BCAS3: variants seen among roughly 807,000 people sequenced by gnomAD.
BCAS3 encodes the protein BCAS3 microtubule associated cell migration factor, also known as BCAS4/BCAS3 fusion.
A neutral mutation model predicts 116.1 loss-of-function variants in BCAS3; 53 were observed. That is an observed-to-expected ratio of 0.46 (90% CI 0.37 to 0.57). BCAS3 has a LOEUF of 0.57. Ranked by LOEUF, BCAS3 falls within the 20% of genes least tolerant of loss-of-function variation. BCAS3 has a pLI of 0.00. For missense variants in BCAS3, 917 were observed against 1,165.4 expected, an observed-to-expected ratio of 0.79 and a Z score of 3.10; for synonymous variants, 391 against 408.2, an observed-to-expected ratio of 0.96 and a Z score of 0.51.
chr17:61,099,521 A>T (rs112559795), intron 22 of BCAS3, among the ~76,000 whole-genome samples: 6,724 of 152,286 alleles, frequency 0.044, 520 homozygotes, highest in African/African-American at 0.15. Flanking sequence ...ATTCCTTTGT[A>T]TGGGCCTATG....
intron 13 of BCAS3, among the ~76,000 whole-genome samples, chr17:60,930,647 G>A (rs768578324): frequency 6.6e-6 from 1 of 152,012 alleles, no homozygotes; most frequent in African/African-American, 2.4e-5. Context: ...TAGTAGAGAC[G>A]GGGTTTTGCC....
chr17:61,149,041 T>C (rs756453900), intron 22 of BCAS3, among the ~76,000 whole-genome samples: 13 of 152,368 alleles, frequency 8.5e-5, no homozygotes, highest in Non-Finnish European at 1.5e-4. Flanking sequence ...ATGGTACTTC[T>C]AGAAAAGGCA....
chr17:60,972,267 C>A (rs2062009733), intron 14 of BCAS3, among the ~76,000 whole-genome samples: 1 of 152,054 alleles, frequency 6.6e-6, no homozygotes, highest in Non-Finnish European at 1.5e-5. Context: ...CATTTTATAT[C>A]CCATTCCAGT....
intron 22 of BCAS3, among the ~76,000 whole-genome samples, chr17:61,158,676 C>T (rs1333494412): frequency 1.3e-5 from 2 of 152,048 alleles, no homozygotes; most frequent in South Asian, 4.1e-4. Context: ...ATGATATTTG[C>T]TTAAAGGGAA....
chr17:60,788,724 T>C (rs1022266024), intron 6 of BCAS3, among the ~76,000 whole-genome samples: 1 of 152,104 alleles, frequency 6.6e-6, no homozygotes, highest in Admixed American at 6.6e-5. Flanking sequence ...TCATCTCTCT[T>C]CTCTGTCTCA....
intron 6 of BCAS3, among the ~76,000 whole-genome samples, chr17:60,749,655 C>A (rs1466558535): frequency 6.6e-6 from 1 of 152,082 alleles, no homozygotes; most frequent in Non-Finnish European, 1.5e-5. Context: ...ACTATTACTT[C>A]TATTGAACAA....
rs973366507 is a variant in BCAS3 at position 61,366,973 on chromosome 17, A to T, written c.2426-1354A>T. Among the ~76,000 whole-genome samples the T allele has an allele frequency of 5.3e-5, 8 of 152,160 alleles. No individual in the cohort carries two copies. Among genetic ancestry groups the T allele is most frequent in the African/African-American group, 9.7e-5 (4 of 41,430 alleles). ...GTCACCGGCTGTCGGAGTGTTTACT[A>T]ACGGTTATCACCTCAATGCTGTGGC... On this transcript the variant is annotated intron_variant, in intron 22 of 23. Transcript: ENST00000407086. The surrounding 1 kb of genome is among the most constrained non-coding windows in gnomAD (Gnocchi z 4.5).
chr17:61,375,421 A>AC (rs1555862066), intron 23 of BCAS3, among the ~76,000 whole-genome samples: 3 of 151,496 alleles, frequency 2.0e-5, no homozygotes, highest in African/African-American at 7.3e-5. Context: ...GGGCCTTGGA[A>AC]CTCCTGCCTG....
At chr17:60,838,497 C>T (rs1013089909) in intron 7 of BCAS3, among the ~76,000 whole-genome samples, 2 of 151,290 alleles carry the variant, frequency 1.3e-5, no homozygotes, top group Admixed American at 6.6e-5. Flanking sequence ...ACTATAAGAC[C>T]CCCGAGAAAG....
At chr17:61,184,044 G>C (rs1412532405) in intron 22 of BCAS3, among the ~76,000 whole-genome samples, 1 of 152,160 alleles carries the variant, frequency 6.6e-6, no homozygotes, top group African/African-American at 2.4e-5. Flanking sequence ...GTTGAGACTG[G>C]CTTGTTTTCA....
At position 61,344,846 on chromosome 17, in the gene BCAS3, G is replaced by C. The variant is rs2057401355; in HGVS notation, c.2426-23481G>C. Among the ~76,000 whole-genome samples, 1 of 152,010 alleles carries C rather than the reference G, an allele frequency of 6.6e-6. No individual in the cohort carries two copies. Among genetic ancestry groups the C allele is most frequent in the Non-Finnish European group, 1.5e-5 (1 of 67,998 alleles). On this transcript the variant is annotated intron_variant, in intron 22 of 23. Coordinates refer to ENST00000407086, the MANE Select transcript of BCAS3 (RefSeq NM_017679.5). The surrounding 1 kb of genome is among the most constrained non-coding windows in gnomAD (Gnocchi z 4.1). ...TTAAGTAAGGGACAACCATGGCGAG[G>C]AGTTGCAATGTCACTCCAGCCCCTT...
chr17:60,856,774 TA>T (rs2053712790), intron 7 of BCAS3, among the ~76,000 whole-genome samples: 1 of 152,220 alleles, frequency 6.6e-6, no homozygotes, highest in Admixed American at 6.5e-5. Flanking sequence ...ATATTTATAA[TA>T]TTTTTCCTTT....
intron 7 of BCAS3, among the ~76,000 whole-genome samples, chr17:60,815,183 C>T (rs1272612043): frequency 6.6e-6 from 1 of 152,056 alleles, no homozygotes; most frequent in African/African-American, 2.4e-5. Context: ...TCTCAGCAAA[C>T]TGTTGCAAGG....
intron 22 of BCAS3, among the ~76,000 whole-genome samples, chr17:61,238,341 A>G (rs376617308): frequency 1.1e-4 from 16 of 142,008 alleles, no homozygotes; most frequent in East Asian, 4.1e-4. Context: ...TCCTGCCTCA[A>G]CCTCCTGAGT....
rs114757653 is a variant in BCAS3 at position 61,338,485 on chromosome 17, G to T, written c.2426-29842G>T. 3.3e-3 allele frequency among the ~76,000 whole-genome samples: 490 copies of T among 148,822 alleles called. 1 individual carries two copies. The highest frequency in any genetic ancestry group is 0.011 in the African/African-American group (465 of 40,914). Reference sequence around the variant, plus strand: ...CTCTTCCTGTTTTATTGTGTTTGAAGTATCTTTGTGGTGACCTGTTGGGAT... The same window carrying T: ...CTCTTCCTGTTTTATTGTGTTTGAATTATCTTTGTGGTGACCTGTTGGGAT... On this transcript the variant is annotated intron_variant, in intron 22 of 23. Coordinates refer to ENST00000407086, the MANE Select transcript of BCAS3 (RefSeq NM_017679.5).
At chr17:61,060,357 G>A (rs1423166595) in intron 19 of BCAS3, among the ~76,000 whole-genome samples, 4 of 150,652 alleles carry the variant, frequency 2.7e-5, no homozygotes, top group African/African-American at 4.9e-5. Context: ...GTATGGTCTC[G>A]ATCTCCTGAC....
In BCAS3 at chr17:61,265,704, C is replaced by CG. The variant is rs967193699; in HGVS notation, c.2426-102623_2426-102622insG. On this transcript the variant is annotated intron_variant, in intron 22 of 23. Transcript: ENST00000407086. This position sits in a 1 kb window ranked among gnomAD's most constrained non-coding sequence, Gnocchi z 4.3. ...TAACACCATCATTCTTTTTTCCCCC[C>CG]CATCAAGTAGTATATCTGCCAGGGT... Among the ~76,000 whole-genome samples the CG allele has an allele frequency of 4.0e-5, 6 of 151,870 alleles. No homozygotes were observed. The highest frequency in any genetic ancestry group is 2.1e-4 in the South Asian group (1 of 4,800).
At position 61,204,918 on chromosome 17, in the gene BCAS3, G is replaced by A. The variant is rs902345441; in HGVS notation, c.2425+120354G>A. Among the ~76,000 whole-genome samples the A allele has an allele frequency of 6.6e-5, 10 of 152,180 alleles. No homozygotes were observed. Among genetic ancestry groups the A allele is most frequent in the African/African-American group, 1.7e-4 (7 of 41,530 alleles). On this transcript the variant is annotated intron_variant, in intron 22 of 23. Coordinates refer to ENST00000407086, the MANE Select transcript of BCAS3 (RefSeq NM_017679.5). The surrounding 1 kb of genome is among the most constrained non-coding windows in gnomAD (Gnocchi z 4.2). ...AATATAGAAATTAGCCTGGCGTGGC[G>A]GCACATACCTGTAGTCCCAGCTACT...
At chr17:60,861,366 G>T (rs2054142186) in intron 7 of BCAS3, among the ~76,000 whole-genome samples, 1 of 152,206 alleles carries the variant, frequency 6.6e-6, no homozygotes, top group Non-Finnish European at 1.5e-5. Flanking sequence ...TGCTGGAGTT[G>T]TTTAACAAAT....
Sources: gnomAD v4.1 joint callset for allele counts (sites outside exome capture counted in the v4.1 genomes callset) on GRCh38, gnomAD v4.1.1 for gene constraint, Gnocchi (gnomAD v3.1) non-coding constraint, MANE v1.5 for transcripts, NCBI Gene and HGNC (gene_info 2026-07-23, HGNC 2026-07-21) for gene names.